Variants in DISC1 observed in about 807,000 individuals in gnomAD.
DISC1 encodes DISC1 scaffold protein.
Under a neutral mutation model 84.5 loss-of-function variants are expected in DISC1, and 57 were observed. That is an observed-to-expected ratio of 0.67 (90% confidence interval 0.55 to 0.84). DISC1 has a LOEUF of 0.84. Ranked by LOEUF, DISC1 falls within the 40% of genes least tolerant of loss-of-function variation. The pLI, the probability that DISC1 is intolerant of heterozygous loss-of-function variation, is 0.00. For synonymous variants in DISC1, 411 were observed against 415.2 expected (o/e 0.99, Z 0.12); for missense variants, 1,000 against 1,057.8 (o/e 0.95, Z 0.76).
chr1:231,732,119 A>C (rs2125184729), intron 3 of DISC1, among the ~76,000 whole-genome samples: 1 of 152,312 alleles, frequency 6.6e-6, no homozygotes, highest in South Asian at 2.1e-4. Context: ...CTCCACTGTC[A>C]TGAGGACTCT....
At chr1:231,895,887 A>G (rs1222871164) in intron 9 of DISC1, among the ~76,000 whole-genome samples, 4 of 152,108 alleles carry the variant, frequency 2.6e-5, no homozygotes, top group East Asian at 1.9e-4. Context: ...TTCATTTCCT[A>G]CAATGCAGTG....
chr1:231,680,057 G>A (rs1264652989), intron 1 of DISC1, among the ~76,000 whole-genome samples: 8 of 152,088 alleles, frequency 5.3e-5, no homozygotes, highest in African/African-American at 1.2e-4. Flanking sequence ...GGGAAACCCC[G>A]TCTCTACTAA....
intron 9 of DISC1, among the ~76,000 whole-genome samples, chr1:231,918,503 G>A (rs898686557): frequency 2.0e-5 from 3 of 152,228 alleles, no homozygotes; most frequent in Non-Finnish European, 4.4e-5. Flanking sequence ...TAAATGAGAT[G>A]GCAGCCCTCA....
intron 9 of DISC1, among the ~76,000 whole-genome samples, chr1:231,956,735 C>T (rs701160): frequency 0.31 from 46,880 of 152,032 alleles, 9,293 homozygotes; most frequent in African/African-American, 0.56. Context: ...CTCCATCCTG[C>T]GATGTCTGGG....
chr1:231,822,155 A>G (rs1214749095), intron 9 of DISC1, among the ~76,000 whole-genome samples: 1 of 152,164 alleles, frequency 6.6e-6, no homozygotes, highest in Non-Finnish European at 1.5e-5. Flanking sequence ...CGTCAAGGGG[A>G]GAGATTTAAT....
intron 10 of DISC1, among the ~76,000 whole-genome samples, chr1:232,007,421 A>G (rs1010703618): frequency 2.0e-5 from 3 of 152,218 alleles, no homozygotes; most frequent in African/African-American, 7.2e-5. Flanking sequence ...TTGCATCAGC[A>G]TGACCTGGTT....
intron 1 of DISC1, among the ~76,000 whole-genome samples, chr1:231,642,204 G>A (rs1366935339): frequency 6.6e-6 from 1 of 152,156 alleles, no homozygotes; most frequent in African/African-American, 2.4e-5. Context: ...CTCCGAGTGC[G>A]GACCCGCGGA....
At chr1:231,762,995 G>A (rs1003003699) in intron 4 of DISC1, among the ~76,000 whole-genome samples, 9 of 152,200 alleles carry the variant, frequency 5.9e-5, no homozygotes, top group Non-Finnish European at 1.0e-4. Flanking sequence ...GACCCAAAGC[G>A]TGGCCTCTGC....
intron 12 of DISC1, among the ~76,000 whole-genome samples, chr1:232,036,301 A>G (rs147320681): frequency 6.6e-6 from 1 of 152,164 alleles, no homozygotes; most frequent in Non-Finnish European, 1.5e-5. Context: ...GATTTCAAGC[A>G]TTCTACCCTT....
intron 9 of DISC1, among the ~76,000 whole-genome samples, chr1:231,875,463 G>A (rs4658960): frequency 0.34 from 51,399 of 151,894 alleles, 8,854 homozygotes; most frequent in Middle Eastern, 0.41. Context: ...TGCCTACCAA[G>A]GTTTGAAATC....
chr1:231,985,611 G>GTTTGTAACAA (rs1664313293), intron 10 of DISC1, among the ~76,000 whole-genome samples: 2 of 152,172 alleles, frequency 1.3e-5, no homozygotes, highest in Non-Finnish European at 2.9e-5. Flanking sequence ...GTTTTCAATT[G>GTTTGTAACAA]AAGCCTTTGT....
chr1:231,855,473 A>G (rs1297655566), intron 9 of DISC1: 1 of 965,744 alleles, frequency 1.0e-6, no homozygotes. Flanking sequence ...CACACAAATA[A>G]CAATCCTCCT....
intron 9 of DISC1, among the ~76,000 whole-genome samples, chr1:231,883,362 A>G (rs952015798): frequency 3.3e-5 from 5 of 152,158 alleles, no homozygotes; most frequent in East Asian, 3.9e-4. Flanking sequence ...GGGAGCTCAC[A>G]TTCCTATAGG....
chr1:231,646,713 C>T (rs926685883), intron 1 of DISC1, among the ~76,000 whole-genome samples: 3 of 152,198 alleles, frequency 2.0e-5, no homozygotes, highest in Non-Finnish European at 4.4e-5. Flanking sequence ...ATATCCTCTC[C>T]AGCATCTGTT....
chr1:232,004,753 G>A (rs2102979693), intron 10 of DISC1, among the ~76,000 whole-genome samples: 1 of 152,214 alleles, frequency 6.6e-6, no homozygotes, highest in South Asian at 2.1e-4. Context: ...CCCCAACTGA[G>A]GACTGTTGTT....
At chr1:231,819,102 AC>A (rs769671307) in intron 9 of DISC1, 24 of 986,042 alleles carry the variant, frequency 2.4e-5, no homozygotes, top group Non-Finnish European at 2.9e-5. Context: ...TGAGATTTGC[AC>A]CCAGAGGGAT....
chr1:231,956,113 A>G (rs1659452854), intron 9 of DISC1, among the ~76,000 whole-genome samples: 2 of 152,180 alleles, frequency 1.3e-5, no homozygotes, highest in South Asian at 4.1e-4. Context: ...GAGGGAAGGA[A>G]TGCTACACAG....
intron 12 of DISC1, among the ~76,000 whole-genome samples, chr1:232,030,901 CCAG>C (rs1386144268): frequency 1.3e-5 from 2 of 151,976 alleles, no homozygotes. Flanking sequence ...TTGTTTGAGA[CCAG>C]GAGTTTGAGA....
At chr1:231,717,066 GTTCTCTCATCCTGT>G (rs1180463763) in intron 3 of DISC1, among the ~76,000 whole-genome samples, 1 of 152,172 alleles carries the variant, frequency 6.6e-6, no homozygotes, top group East Asian at 1.9e-4. Context: ...GTGTTTGGCT[GTTCTCTCATCCTGT>G]TGCTTGGCCC....
Sources: gnomAD v4.1 joint callset for allele counts (sites outside exome capture counted in the v4.1 genomes callset) on GRCh38, gnomAD v4.1.1 for gene constraint, MANE v1.5 for transcripts, NCBI Gene and HGNC (gene_info 2026-07-23, HGNC 2026-07-21) for gene names.